The following TSHZ2 variants were observed in gnomAD, a reference collection of about 807,000 sequenced individuals.
TSHZ2 encodes teashirt zinc finger homeobox 2.
In TSHZ2, 21 loss-of-function variants were observed where a neutral mutation model predicts 74.4. The observed-to-expected ratio is 0.28, with a 90% CI of 0.20 to 0.41. The LOEUF is 0.41. TSHZ2 is among the 10% of genes least tolerant of loss of function. TSHZ2 has a pLI of 1.00. For missense variants in TSHZ2, 1,244 were observed against 1,293.5 expected (o/e 0.96, Z 0.59); for synonymous variants, 540 against 515.3 (o/e 1.05, Z -0.65).
Position 53,456,056 on chromosome 20 carries a change from A to G in TSHZ2, c.*9-31088A>G, listed in dbSNP as rs1235500802. Among the ~76,000 whole-genome samples the G allele has an allele frequency of 5.8e-4, 88 of 152,254 alleles. 3 individuals are homozygous for G. The South Asian group carries it at 0.018, about 31-fold the overall frequency. Reference sequence around the variant, plus strand: ...GTGTCTTTATAGCAGCATGATTTATAGTCCTTTGGGTACATACCCAGTAAT... The same window carrying G: ...GTGTCTTTATAGCAGCATGATTTATGGTCCTTTGGGTACATACCCAGTAAT... On this transcript the variant is annotated intron_variant, in intron 2 of 2. Transcript: ENST00000371497.
rs1050902794 is a variant in TSHZ2 at position 52,977,755 on chromosome 20, C to T, written c.40+4422C>T. 3.3e-5 allele frequency among the ~76,000 whole-genome samples: 5 copies of T among 152,132 alleles called. No homozygotes were observed. The South Asian group carries it at 1.0e-3, about 31-fold the overall frequency. ...TGATTTCATTTTTAATCTGCCATAT[C>T]AGGACACAATACGTTAACCCTAATC... is the stretch of plus-strand genomic sequence containing the variant. On this transcript the variant is annotated intron_variant, in intron 1 of 2. Transcript: ENST00000371497.
intron 2 of TSHZ2, among the ~76,000 whole-genome samples, chr20:53,321,448 A>G (rs1232227544): frequency 6.6e-6 from 1 of 151,928 alleles, no homozygotes; most frequent in Non-Finnish European, 1.5e-5. Flanking sequence ...CACTTTGGGC[A>G]GCCGAAGCAG....
At chr20:53,365,435 C>A (rs148509529) in intron 2 of TSHZ2, among the ~76,000 whole-genome samples, 18 of 152,254 alleles carry the variant, frequency 1.2e-4, no homozygotes, top group Non-Finnish European at 2.2e-4. Context: ...TCCCTAGGAC[C>A]CCACTCCACT....
At chr20:53,023,376 C>A (rs1009508190) in intron 1 of TSHZ2, among the ~76,000 whole-genome samples, 2 of 152,148 alleles carry the variant, frequency 1.3e-5, no homozygotes, top group Non-Finnish European at 2.9e-5. Flanking sequence ...AAATGTTCTT[C>A]CTCTGAATTG....
At chr20:53,190,496 G>A (rs972239804) in intron 1 of TSHZ2, among the ~76,000 whole-genome samples, 4 of 151,992 alleles carry the variant, frequency 2.6e-5, no homozygotes, top group South Asian at 2.1e-4. Flanking sequence ...GCCCCAATCC[G>A]TGTGCAGAGG....
intron 2 of TSHZ2, among the ~76,000 whole-genome samples, chr20:53,447,268 C>A (rs1984590817): frequency 6.6e-6 from 1 of 152,200 alleles, no homozygotes; most frequent in Non-Finnish European, 1.5e-5. Context: ...CCAGTCTTTT[C>A]CTAAACAGGC....
intron 1 of TSHZ2, among the ~76,000 whole-genome samples, chr20:52,990,913 T>G (rs1475268954): frequency 6.6e-6 from 1 of 152,174 alleles, no homozygotes; most frequent in East Asian, 1.9e-4. Flanking sequence ...TTGAGAACAC[T>G]GTGTGTATAT....
intron 1 of TSHZ2, among the ~76,000 whole-genome samples, chr20:53,146,907 T>C (rs1044820149): frequency 3.1e-4 from 47 of 152,186 alleles, no homozygotes; most frequent in African/African-American, 9.9e-4. Context: ...CCCGTATTAA[T>C]AACTGCAACA....
intron 2 of TSHZ2, among the ~76,000 whole-genome samples, chr20:53,406,380 A>G (rs371895092): frequency 4.8e-4 from 73 of 152,310 alleles, no homozygotes; most frequent in Admixed American, 8.5e-4. Flanking sequence ...TTCAAATTAC[A>G]TTTTGAAAAG....
At chr20:53,122,950 A>G (rs1285176433) in intron 1 of TSHZ2, among the ~76,000 whole-genome samples, 3 of 152,180 alleles carry the variant, frequency 2.0e-5, no homozygotes, top group Non-Finnish European at 4.4e-5. Flanking sequence ...AACTTTTGGA[A>G]ATAAAAACTG....
At chr20:53,438,250 C>G (rs758584184) in intron 2 of TSHZ2, among the ~76,000 whole-genome samples, 9 of 151,826 alleles carry the variant, frequency 5.9e-5, no homozygotes, top group Non-Finnish European at 1.2e-4. Context: ...GCTGGGACTA[C>G]AGATGCCCGC....
intron 1 of TSHZ2, among the ~76,000 whole-genome samples, chr20:53,174,836 C>T (rs1699658355): frequency 6.6e-6 from 1 of 151,804 alleles, no homozygotes; most frequent in Admixed American, 6.6e-5. Context: ...GGGTCCCAAA[C>T]AAAAATGGCA....
At chr20:53,053,924 C>A (rs1022001483) in intron 1 of TSHZ2, among the ~76,000 whole-genome samples, 1 of 152,162 alleles carries the variant, frequency 6.6e-6, no homozygotes, top group South Asian at 2.1e-4. Context: ...TTAGTGACTG[C>A]GCCCTAACTG....
chr20:53,110,611 C>T (rs1403765369), intron 1 of TSHZ2, among the ~76,000 whole-genome samples: 3 of 151,848 alleles, frequency 2.0e-5, no homozygotes, highest in Non-Finnish European at 2.9e-5. Flanking sequence ...GGCAGGCCAA[C>T]GTCTGTTGGA....
intron 1 of TSHZ2, among the ~76,000 whole-genome samples, chr20:53,202,751 C>G (rs528105803): frequency 6.6e-6 from 1 of 152,140 alleles, no homozygotes; most frequent in Non-Finnish European, 1.5e-5. Context: ...CTTGATCCAA[C>G]GAAGGGAAGT....
intron 2 of TSHZ2, among the ~76,000 whole-genome samples, chr20:53,434,015 C>T (rs1347367918): frequency 6.6e-6 from 1 of 152,156 alleles, no homozygotes; most frequent in African/African-American, 2.4e-5. Context: ...ACTACAGGCA[C>T]ATGCCACCAT....
intron 1 of TSHZ2, among the ~76,000 whole-genome samples, chr20:53,237,912 T>C (rs903526711): frequency 1.9e-4 from 29 of 152,100 alleles, no homozygotes; most frequent in African/African-American, 5.6e-4. Flanking sequence ...AGTCAAGTCA[T>C]TGGGGGATGA....
intron 2 of TSHZ2, among the ~76,000 whole-genome samples, chr20:53,468,599 G>T (rs1206147865): frequency 7.0e-6 from 1 of 143,728 alleles, no homozygotes; most frequent in Non-Finnish European, 1.5e-5. Flanking sequence ...GGCAAAAGGG[G>T]ACTTGCCGTA....
At chr20:53,020,357 T>C (rs1169823118) in intron 1 of TSHZ2, among the ~76,000 whole-genome samples, 8 of 152,250 alleles carry the variant, frequency 5.3e-5, no homozygotes, top group African/African-American at 1.9e-4. Context: ...TAGCATGGCA[T>C]CCTTGTAGAC....
Sources: allele counts gnomAD v4.1 joint callset (sites outside exome capture counted in the v4.1 genomes callset), GRCh38; gene constraint gnomAD v4.1.1; transcripts MANE v1.5; gene names NCBI Gene and HGNC (gene_info 2026-07-23, HGNC 2026-07-21).